The following TBX19 variants were observed in gnomAD, a reference collection of about 807,000 sequenced individuals.
The protein encoded by TBX19 is T-box transcription factor TBX19.
A neutral mutation model predicts 40.9 loss-of-function variants in TBX19; 33 were observed. The ratio of observed to expected loss-of-function variants is 0.81; its 90% CI spans 0.61 to 1.08. The LOEUF (loss-of-function observed/expected upper bound fraction) is 1.08, where lower values mean the gene tolerates loss of function less well. TBX19 is among the 50% of genes least tolerant of loss of function. TBX19 has a pLI of 0.00. For synonymous variants in TBX19, 220 were observed against 225.0 expected, an observed-to-expected ratio of 0.98 and a Z score of 0.20; for missense variants, 494 against 574.0, an observed-to-expected ratio of 0.86 and a Z score of 1.42.
At chr1:168,288,767 CTT>C (rs11306029) in intron 1 of TBX19, among the ~76,000 whole-genome samples, 12 of 149,304 alleles carry the variant, frequency 8.0e-5, no homozygotes, top group African/African-American at 2.5e-4. Flanking sequence ...AGTTTTGGTA[CTT>C]TTTTTTTTTG....
At position 168,313,155 on chromosome 1, in the gene TBX19, G is replaced by A; in HGVS notation, c.*153G>A. 1.1e-6 allele frequency: 1 copy of A among 889,908 alleles called. No homozygotes were observed. The highest frequency in any genetic ancestry group is 1.7e-5 in the African/African-American group (1 of 60,346). 55.1% of individuals were successfully genotyped at this position (889,908 alleles called of 1,614,324 possible). ...TATTACAGAAGTCATACTGGGAGAG[G>A]GTTCAGTTTGGATGATGCTAGTTAG... is the stretch of plus-strand genomic sequence containing the variant. On this transcript the variant is annotated 3_prime_UTR_variant, in exon 8 of 8. Transcript: ENST00000367821.
chr1:168,293,359 CGGGGG>C (rs145449033), intron 3 of TBX19, 81 bp downstream of exon 3: 1 of 1,413,306 alleles, frequency 7.1e-7, no homozygotes, highest in Non-Finnish European at 9.4e-7. Flanking sequence ...GCAGGATGGG[CGGGGG>C]GGGTCCTTTT....
chr1:168,292,995 G>A (rs1648984142), intron 2 of TBX19, 149 bp from the exon 3 acceptor site: 9 of 1,240,046 alleles, frequency 7.3e-6, no homozygotes, highest in Non-Finnish European at 1.0e-5. Context: ...TAGAGGTGTG[G>A]TGGCAGCTCA....
intron 4 of TBX19, among the ~76,000 whole-genome samples, chr1:168,300,010 C>A (rs1038049403): frequency 4.6e-5 from 7 of 152,124 alleles, no homozygotes; most frequent in Non-Finnish European, 8.8e-5. Context: ...TCGAGATCCA[C>A]TTTTCTAATC....
At chr1:168,306,691 C>T (rs974941223) in intron 6 of TBX19, among the ~76,000 whole-genome samples, 1 of 146,970 alleles carries the variant, frequency 6.8e-6, no homozygotes, top group African/African-American at 2.5e-5. Context: ...TACACAAATA[C>T]GTAAATAATG....
chr1:168,293,346 A>C, intron 3 of TBX19, 68 bp downstream of exon 3: 38 of 1,476,128 alleles, frequency 2.6e-5, no homozygotes, highest in East Asian at 8.1e-5. Context: ...CTGGGAGATC[A>C]TGGCAGGATG....
At chr1:168,304,480 A>T (rs1649353215) in intron 5 of TBX19, among the ~76,000 whole-genome samples, 1 of 152,204 alleles carries the variant, frequency 6.6e-6, no homozygotes, top group African/African-American at 2.4e-5. Context: ...TACAATAGTG[A>T]TGTTATCTGC....
chr1:168,307,451 A>G (rs980855518), intron 6 of TBX19, among the ~76,000 whole-genome samples: 1 of 152,140 alleles, frequency 6.6e-6, no homozygotes, highest in Admixed American at 6.5e-5. Flanking sequence ...CATTCCTGCA[A>G]TACTGACATT....
intron 1 of TBX19, among the ~76,000 whole-genome samples, chr1:168,289,603 A>G (rs1224636781): frequency 6.6e-6 from 1 of 152,196 alleles, no homozygotes; most frequent in Admixed American, 6.5e-5. Context: ...TCCCATTTAA[A>G]TTAATTTTCT....
At position 168,291,370 on chromosome 1, in the gene TBX19, TC is replaced by T. The variant is rs1648935459; in HGVS notation, c.417del (p.Ile140SerfsTer6). The T allele has an allele frequency of 6.2e-7, 1 of 1,614,142 alleles. No homozygotes were observed. The highest frequency in any genetic ancestry group is 1.7e-5 in the Admixed American group (1 of 60,016). ...PNFGAHWMKA[P>X]ISFSKVKLTN... ...ACTTTGGGGCCCACTGGATGAAAGC[TC>T]CCATCTCCTTCAGCAAAGTGAAGCT... On this transcript the variant is annotated frameshift_variant, in exon 2 of 8. Coordinates refer to ENST00000367821, the MANE Select transcript of TBX19 (RefSeq NM_005149.3). LOFTEE classifies it high-confidence loss of function.
At chr1:168,310,928 C>A (rs867744879) in intron 7 of TBX19, among the ~76,000 whole-genome samples, 100 of 147,860 alleles carry the variant, frequency 6.8e-4, no homozygotes, top group African/African-American at 2.4e-3. Context: ...ATATTTACAT[C>A]AAATGCATGT....
intron 3 of TBX19, among the ~76,000 whole-genome samples, chr1:168,296,346 G>A (rs1242659726): frequency 6.6e-6 from 1 of 152,184 alleles, no homozygotes; most frequent in Non-Finnish European, 1.5e-5. Context: ...ACATACCTGA[G>A]ACTGGGTAAT....
intron 1 of TBX19, among the ~76,000 whole-genome samples, chr1:168,283,784 GC>G (rs1238353608): frequency 6.6e-6 from 1 of 152,042 alleles, no homozygotes; most frequent in African/African-American, 2.4e-5. Context: ...TGTCACCTGG[GC>G]CCTTTTTCAT....
Position 168,313,062 on chromosome 1 carries a change from C to G in TBX19, c.*60C>G. ...TTCCATGTGTAGAGTGCTTAGAAAC[C>G]CCATCAACTGATCTAGTGAGTCAGA... On this transcript the variant is annotated 3_prime_UTR_variant, in exon 8 of 8. Coordinates refer to ENST00000367821, the MANE Select transcript of TBX19 (RefSeq NM_005149.3). 1 of 1,593,936 alleles carries G rather than the reference C, an allele frequency of 6.3e-7. No individual in the cohort carries two copies. The highest frequency in any genetic ancestry group is 2.2e-5 in the East Asian group (1 of 44,754).
chr1:168,295,646 T>C (rs1392489164), intron 3 of TBX19, among the ~76,000 whole-genome samples: 1 of 152,202 alleles, frequency 6.6e-6, no homozygotes, highest in Admixed American at 6.5e-5. Flanking sequence ...GGCCAGTCTT[T>C]CGATGATAAA....
At position 168,297,758 on chromosome 1, in the gene TBX19, C is replaced by A. The variant is rs1018233502; in HGVS notation, c.638C>A (p.Ala213Asp). ...CTCAAAATCAAGTACAATCCTTTTG[C>A]CAAAGCCTTCTTGGATGCCAAGGAA... ...TALKIKYNPFAKAFLDAKERN... is the reference protein window; with the variant it reads ...TALKIKYNPFDKAFLDAKERN... Residue 213 changes from alanine to aspartate, a missense_variant, in exon 4 of 8, where the codon GCC (alanine) becomes GAC (aspartate). Physicochemically the swap from Ala to Asp is moderately radical, Grantham distance 126. This residue lies in a region of TBX19 where 284 missense variants were observed against 307.3 expected (regional missense o/e 0.92). Coordinates refer to ENST00000367821, the MANE Select transcript of TBX19 (RefSeq NM_005149.3). 2.5e-6 allele frequency: 4 copies of A among 1,614,068 alleles called. No homozygotes were observed. The highest frequency in any genetic ancestry group is 2.5e-6 in the Non-Finnish European group (3 of 1,179,986).
rs1649495532 is a variant in TBX19 at position 168,310,583 on chromosome 1, C to G, written c.1052+1706C>G. Among the ~76,000 whole-genome samples the G allele has an allele frequency of 2.0e-5, 3 of 151,500 alleles. No individual in the cohort carries two copies. In the South Asian group the frequency reaches 6.3e-4, roughly 32 times the overall value. Reference sequence around the variant, plus strand: ...TAGTTGTCAAACACTTGAAATGCAGCTAGTCCAAGTTGAGTGTAATACTCA... The same window carrying G: ...TAGTTGTCAAACACTTGAAATGCAGGTAGTCCAAGTTGAGTGTAATACTCA... On this transcript the variant is annotated intron_variant, in intron 7 of 7. Coordinates refer to ENST00000367821, the MANE Select transcript of TBX19 (RefSeq NM_005149.3).
At chr1:168,311,950 A>C (rs577953452) in intron 7 of TBX19, among the ~76,000 whole-genome samples, 174 of 149,172 alleles carry the variant, frequency 1.2e-3, no homozygotes, top group South Asian at 5.3e-3. Flanking sequence ...TACTTTAAAA[A>C]CCCCCCCTAG....
intron 1 of TBX19, among the ~76,000 whole-genome samples, 182 bp downstream of exon 1, chr1:168,281,475 A>C (rs1383255918): frequency 1.3e-5 from 2 of 152,246 alleles, no homozygotes; most frequent in East Asian, 3.8e-4. Context: ...ATCTGAGATC[A>C]TCAGAGGATG....
Sources: gnomAD v4.1 joint callset for allele counts (sites outside exome capture counted in the v4.1 genomes callset) on GRCh38, gnomAD v4.1.1 for gene constraint, gnomAD v4.1.1 regional missense constraint, MANE v1.5 for transcripts, NCBI Gene and HGNC (gene_info 2026-07-23, HGNC 2026-07-21) for gene names.